Variants in ZCCHC2 observed in about 807,000 individuals in gnomAD.
ZCCHC2 encodes zinc finger CCHC-type containing 2, also known as zinc finger CCHC domain-containing protein 2.
A neutral mutation model predicts 103.6 loss-of-function variants in ZCCHC2; 39 were observed. That is an observed-to-expected ratio of 0.38 (90% CI 0.29 to 0.49). The LOEUF (loss-of-function observed/expected upper bound fraction) is 0.49. ZCCHC2 is among the 20% of genes least tolerant of loss of function. ZCCHC2 has a pLI of 0.96. For synonymous variants in ZCCHC2, 687 were observed against 608.9 expected (o/e 1.13, Z -1.89); for missense variants, 1,483 against 1,491.0 (o/e 0.99, Z 0.09).
At position 62,574,498 on chromosome 18, in the gene ZCCHC2, C is replaced by A. The variant is rs1211321349; in HGVS notation, c.2417C>A (p.Pro806His). ...PSTFLPHSST[P>H]ALHLTVQRLK... ...ACCTTCCTTCCACACAGTAGTACTC[C>A]CGCTTTGCATCTTACAGTTCAGAGG... Residue 806 changes from proline to histidine, a missense_variant, in exon 13 of 14, where the codon CCC becomes CAC. Physicochemically the swap from Pro to His is moderately conservative, Grantham distance 77. Around this residue, in one of 3 missense-constraint regions of ZCCHC2, gnomAD observed 884 missense variants for 907.5 expected, o/e 0.97. Transcript: ENST00000269499. 3 of 1,613,990 alleles carry A rather than the reference C, an allele frequency of 1.9e-6. No homozygotes were observed. Among genetic ancestry groups the A allele is most frequent in the South Asian group, 1.1e-5 (1 of 91,082 alleles).
At chr18:62,559,403 C>T (rs935593354) in intron 7 of ZCCHC2, among the ~76,000 whole-genome samples, 1 of 152,188 alleles carries the variant, frequency 6.6e-6, no homozygotes, top group African/African-American at 2.4e-5. Flanking sequence ...TAATGTGCAG[C>T]CTCACTGGTA....
Position 62,565,097 on chromosome 18 carries a change from G to A in ZCCHC2, c.1846+1G>A. ...CATGCCCATGGTGGTACTGTGAAAG[G>A]TAAGAAGGTTATTTTTCTTTCAAAT... On this transcript the variant is annotated splice_donor_variant, in intron 11 of 13. Coordinates refer to ENST00000269499, the MANE Select transcript of ZCCHC2 (RefSeq NM_017742.6). LOFTEE classifies it high-confidence loss of function. The A allele has an allele frequency of 6.2e-7, 1 of 1,606,252 alleles. No individual in the cohort carries two copies. The highest frequency in any genetic ancestry group is 8.5e-7 in the Non-Finnish European group (1 of 1,173,366).
intron 13 of ZCCHC2, among the ~76,000 whole-genome samples, chr18:62,575,998 C>G (rs116325926): frequency 9.9e-4 from 148 of 150,166 alleles, no homozygotes; most frequent in African/African-American, 3.5e-3. Context: ...GCCTGTTTCC[C>G]CATGCTACCC....
At position 62,565,049 on chromosome 18, in the gene ZCCHC2, G is replaced by A. The variant is rs928705945; in HGVS notation, c.1799G>A (p.Gly600Asp). 1.9e-6 allele frequency: 3 copies of A among 1,613,550 alleles called. No individual in the cohort carries two copies. The highest frequency in any genetic ancestry group is 3.3e-5 in the Admixed American group (2 of 59,994). Residue 600 changes from glycine to aspartate, a missense_variant, in exon 11 of 14, where the codon GGT (glycine) becomes GAT (aspartate). This residue lies in a region of ZCCHC2 where 884 missense variants were observed against 907.5 expected (regional missense o/e 0.97). Transcript: ENST00000269499. ...TDNRLNSRIN[G>D]IRLSTPQHAH... is the part of the protein sequence containing the mutation. ...AACAGATTGAATAGTAGAATAAATG[G>A]TATTAGACTCTCCACTCCTCAGCAT...
Position 62,523,303 on chromosome 18 carries a change from C to T in ZCCHC2, c.-122C>T. ...GCCGAGACCCGCCCCCGGCCCCGGC[C>T]CTCCCCCGGCGGCATGGAGGGGCCC... On this transcript the variant is annotated 5_prime_UTR_variant, in exon 1 of 14. Transcript: ENST00000269499. 6 of 953,246 alleles carry T rather than the reference C, an allele frequency of 6.3e-6. No homozygotes were observed. Among genetic ancestry groups the T allele is most frequent in the African/African-American group, 1.8e-5 (1 of 56,244 alleles). The allele number at this position is 953,246 out of a possible 1,614,324, so 59.0% of individuals were successfully genotyped here.
chr18:62,539,870 AAAC>A, intron 2 of ZCCHC2, 78 bp downstream of exon 2: 1 of 1,183,254 alleles, frequency 8.5e-7, no homozygotes, highest in Non-Finnish European at 1.2e-6. Flanking sequence ...GATTAACTCT[AAAC>A]TTTTTACTCT....
At chr18:62,526,191 A>G (rs1198047750) in intron 1 of ZCCHC2, 6 of 152,220 alleles carry the variant, frequency 3.9e-5, no homozygotes, top group South Asian at 2.1e-4. Flanking sequence ...GTTGACCGCA[A>G]TGCGTGACCT....
At position 62,523,474 on chromosome 18, in the gene ZCCHC2, C is replaced by T; in HGVS notation, c.50C>T (p.Pro17Leu). The change falls in exon 1 of 14, where the codon CCG (proline) becomes CTG (leucine). Residue 17 changes from proline to leucine, a missense_variant. Transcript: ENST00000269499. The stretch of plus-strand genomic sequence containing the variant: ...AAGCCAACGCACCCCGCGGAGCCGC[C>T]GCCCGAGGCGGAGGAGCCCGAGGCG... ...PLKPTHPAEP[P>L]PEAEEPEADA... 1 of 1,087,416 alleles carries T rather than the reference C, an allele frequency of 9.2e-7. No homozygotes were observed. The highest frequency in any genetic ancestry group is 1.1e-6 in the Non-Finnish European group (1 of 884,714). 67.4% of individuals were successfully genotyped at this position (1,087,416 alleles called of 1,614,324 possible).
At chr18:62,580,011 G>T (rs1458459971), downstream of ZCCHC2, among the ~76,000 whole-genome samples, 4 of 152,170 alleles carry the variant, frequency 2.6e-5, no homozygotes, top group African/African-American at 9.7e-5. Flanking sequence ...GATTACAGGC[G>T]TTAGCCACTG....
chr18:62,528,628 C>G (rs978964284), intron 1 of ZCCHC2, among the ~76,000 whole-genome samples: 2 of 150,408 alleles, frequency 1.3e-5, no homozygotes, highest in African/African-American at 4.9e-5. Flanking sequence ...GTTACTTTTT[C>G]ATAGCGTAGT....
Position 62,523,657 on chromosome 18 carries a change from GGGCGGGTATGCCGGGCGGC to G in ZCCHC2, c.240_258del (p.Met81GlyfsTer194). On this transcript the variant is annotated frameshift_variant, in exon 1 of 14. Coordinates refer to ENST00000269499, the MANE Select transcript of ZCCHC2 (RefSeq NM_017742.6). LOFTEE classifies it high-confidence loss of function. The stretch of plus-strand genomic sequence containing the variant: ...CCTGTTGCTGGTGGAGCGGCGGCGG[GGGCGGGTATGCCGGGCGGC>G]GGCGGGGGGCCCTCGGCGGCGCTGC... The G allele has an allele frequency of 7.6e-7, 1 of 1,312,296 alleles. No individual in the cohort carries two copies. The highest frequency in any genetic ancestry group is 9.6e-7 in the Non-Finnish European group (1 of 1,036,516). 81.3% of individuals were successfully genotyped at this position (1,312,296 alleles called of 1,614,324 possible).
chr18:62,578,883 T>A (rs1179327553), downstream of ZCCHC2, among the ~76,000 whole-genome samples: 2 of 152,184 alleles, frequency 1.3e-5, no homozygotes, highest in African/African-American at 2.4e-5. Flanking sequence ...TTCTCCTGCC[T>A]CCGCCTCCTG....
intron 1 of ZCCHC2, among the ~76,000 whole-genome samples, chr18:62,533,244 G>A (rs1428713730): frequency 1.3e-5 from 2 of 152,092 alleles, no homozygotes; most frequent in African/African-American, 4.8e-5. Context: ...AAAAATACGA[G>A]GCTGGGTGTG....
intron 5 of ZCCHC2, among the ~76,000 whole-genome samples, chr18:62,550,937 G>A (rs1052585815): frequency 3.9e-5 from 6 of 152,162 alleles, no homozygotes; most frequent in African/African-American, 1.2e-4. Flanking sequence ...TGTTGGGCTT[G>A]TTGGGAAAGA....
intron 1 of ZCCHC2, among the ~76,000 whole-genome samples, chr18:62,533,148 T>G (rs983800423): frequency 6.6e-6 from 1 of 152,242 alleles, no homozygotes; most frequent in East Asian, 1.9e-4. Flanking sequence ...TCGGGCATTG[T>G]GCCTCATTTT....
At chr18:62,584,957 C>G (rs1917133739) in exon 15 of ZCCHC2, 1 of 152,250 alleles carries the variant, frequency 6.6e-6, no homozygotes, top group African/African-American at 2.4e-5. Flanking sequence ...CTTTATGGAA[C>G]TGTGTAAGGT....
downstream of ZCCHC2, among the ~76,000 whole-genome samples, chr18:62,583,137 A>C (rs1917079910): frequency 6.6e-6 from 1 of 152,138 alleles, no homozygotes; most frequent in Admixed American, 6.5e-5. Context: ...GTGGACGAGA[A>C]CAGGTTTGGG....
chr18:62,549,232 A>G (rs1170440829), intron 4 of ZCCHC2, among the ~76,000 whole-genome samples: 4 of 152,148 alleles, frequency 2.6e-5, no homozygotes, highest in East Asian at 1.9e-4. Flanking sequence ...AAAAAAAAAA[A>G]GAAGGGTAGA....
chr18:62,550,609 A>C (rs1377789908), intron 5 of ZCCHC2, 149 bp downstream of exon 5: 2 of 610,250 alleles, frequency 3.3e-6, no homozygotes, highest in Non-Finnish European at 5.7e-6. Context: ...ATTTAGGTCT[A>C]GGCTCATAGT....
Sources: gnomAD v4.1 joint callset for allele counts (sites outside exome capture counted in the v4.1 genomes callset) on GRCh38, gnomAD v4.1.1 for gene constraint, gnomAD v4.1.1 regional missense constraint, MANE v1.5 for transcripts, NCBI Gene and HGNC (gene_info 2026-07-23, HGNC 2026-07-21) for gene names.